PDE10A: variants seen among roughly 807,000 people sequenced by gnomAD.
PDE10A encodes cAMP and cAMP-inhibited cGMP 3',5'-cyclic phosphodiesterase 10A.
Under a neutral mutation model 97.7 loss-of-function variants are expected in PDE10A, and 39 were observed. The ratio of observed to expected loss-of-function variants is 0.40; its 90% CI spans 0.31 to 0.52. The LOEUF is 0.52. PDE10A is among the 20% of genes least tolerant of loss of function. PDE10A has a pLI of 0.56. For synonymous variants in PDE10A, 371 were observed against 376.8 expected (o/e 0.98, Z 0.18); for missense variants, 731 against 1,047.8 (o/e 0.70, Z 4.17).
At position 165,409,185 on chromosome 6, in the gene PDE10A, A is replaced by T. The variant is rs552735454; in HGVS notation, c.2076+4316T>A. Reference sequence around the variant, plus strand: ...ATCTCAAAAAAAAAAAAAAAAAAGAAAAAAGGTAATAAATTCCACAGAGAG... The same window carrying T: ...ATCTCAAAAAAAAAAAAAAAAAAGATAAAAGGTAATAAATTCCACAGAGAG... On this transcript the variant is annotated intron_variant, in intron 13 of 21. Transcript: ENST00000539869. Among the ~76,000 whole-genome samples the T allele has an allele frequency of 8.7e-3, 1,315 of 151,652 alleles. 18 individuals carry two copies. The highest frequency in any genetic ancestry group is 0.031 in the Middle Eastern group (9 of 294).
chr6:165,926,100 G>A (rs1261502829), intron 1 of PDE10A, among the ~76,000 whole-genome samples: 1 of 152,192 alleles, frequency 6.6e-6, no homozygotes, highest in Non-Finnish European at 1.5e-5. Flanking sequence ...ACTTGTTTCT[G>A]TCTCTGGGAC....
chr6:165,550,318 A>G (rs1390668297), intron 1 of PDE10A, among the ~76,000 whole-genome samples: 4 of 152,224 alleles, frequency 2.6e-5, no homozygotes, highest in African/African-American at 9.7e-5. Context: ...ATAATCTCTT[A>G]TTTATTGTAA....
intron 1 of PDE10A, among the ~76,000 whole-genome samples, chr6:165,974,066 T>C (rs989167039): frequency 6.6e-6 from 1 of 152,238 alleles, no homozygotes; most frequent in Non-Finnish European, 1.5e-5. Context: ...ATTACAAGTT[T>C]GAAATTGCCT....
chr6:165,962,662 G>A (rs1406093776), intron 1 of PDE10A, among the ~76,000 whole-genome samples: 1 of 152,208 alleles, frequency 6.6e-6, no homozygotes, highest in East Asian at 1.9e-4. Flanking sequence ...CAGGATTTAA[G>A]CTCCCAGACG....
chr6:165,425,770 C>CATATGTAT (rs112669910), intron 10 of PDE10A, among the ~76,000 whole-genome samples: 1 of 144,036 alleles, frequency 6.9e-6, no homozygotes, highest in African/African-American at 2.6e-5. Context: ...AAGGCATGAT[C>CATATGTAT]GTGTGTGTGT....
chr6:165,962,981 C>A (rs1168712345), intron 1 of PDE10A, among the ~76,000 whole-genome samples: 1 of 152,260 alleles, frequency 6.6e-6, no homozygotes, highest in Non-Finnish European at 1.5e-5. Context: ...CACACACCCA[C>A]ACGCGTGGTT....
chr6:165,530,816 A>T (rs778885046), intron 2 of PDE10A, among the ~76,000 whole-genome samples: 2 of 152,194 alleles, frequency 1.3e-5, no homozygotes, highest in Non-Finnish European at 2.9e-5. Context: ...TGTTTTGGAG[A>T]GGCATCAATC....
Position 165,329,569 on chromosome 6 carries a change from G to A in PDE10A, c.*3456C>T, listed in dbSNP as rs1781226970. The stretch of plus-strand genomic sequence containing the variant: ...AACCTAAACCTATTAAAAAACCCAG[G>A]TATCTAAGGATTTATGCATCTATTT... On this transcript the variant is annotated 3_prime_UTR_variant, in exon 22 of 22. Coordinates refer to ENST00000539869, the MANE Select transcript of PDE10A (RefSeq NM_001385079.1). 6.6e-6 allele frequency: 1 copy of A among 151,962 alleles called. No individual in the cohort carries two copies. Among genetic ancestry groups the A allele is most frequent in the Non-Finnish European group, 1.5e-5 (1 of 68,014 alleles). 9.4% of individuals were successfully genotyped at this position (151,962 alleles called of 1,614,324 possible).
chr6:165,719,298 G>A (rs553173496), intron 1 of PDE10A, among the ~76,000 whole-genome samples: 5 of 152,328 alleles, frequency 3.3e-5, no homozygotes, highest in East Asian at 3.9e-4. Context: ...CCCAAGGAAC[G>A]TTCCTGTGAA....
intron 1 of PDE10A, among the ~76,000 whole-genome samples, chr6:165,869,734 C>T (rs887699339): frequency 2.6e-5 from 4 of 151,878 alleles, no homozygotes; most frequent in Admixed American, 1.3e-4. Flanking sequence ...GCATGGTATT[C>T]GTATAAACAC....
intron 1 of PDE10A, among the ~76,000 whole-genome samples, chr6:165,797,105 CT>C (rs773435469): frequency 1.3e-5 from 2 of 152,146 alleles, no homozygotes; most frequent in Non-Finnish European, 2.9e-5. Flanking sequence ...GCAAGTGACC[CT>C]TGGTTTAGTG....
At chr6:165,511,261 A>G (rs891421192) in intron 2 of PDE10A, among the ~76,000 whole-genome samples, 5 of 151,816 alleles carry the variant, frequency 3.3e-5, no homozygotes, top group African/African-American at 1.2e-4. Flanking sequence ...TTTGATTTTC[A>G]TATTAATTTC....
At chr6:165,619,241 G>A (rs201600968) in intron 1 of PDE10A, among the ~76,000 whole-genome samples, 3,797 of 109,250 alleles carry the variant, frequency 0.035, 313 homozygotes, top group African/African-American at 0.14. Flanking sequence ...AGACTAGTGT[G>A]GTGTAGTGTA....
rs180943663 is a variant in PDE10A, at chr6:165,486,594, T to C, written c.995-4251A>G. Among the ~76,000 whole-genome samples, 2 of 152,326 alleles carry C rather than the reference T, an allele frequency of 1.3e-5. 1 individual carries two copies. Among genetic ancestry groups the C allele is most frequent in the Admixed American group, 1.3e-4 (2 of 15,304 alleles). ...AAAGTACGTGCCCTTAACTCACGTC[T>C]GTTCGCACAGCTCTGTGAGGAGATG... On this transcript the variant is annotated intron_variant, in intron 2 of 21. Transcript: ENST00000539869.
intron 10 of PDE10A, 88 bp downstream of exon 10, chr6:165,428,570 G>T: frequency 1.6e-6 from 1 of 643,084 alleles, no homozygotes; most frequent in Non-Finnish European, 2.8e-6. Context: ...AAGTGCCTGT[G>T]GATGAATAAG....
chr6:165,917,051 G>T (rs1027941687), intron 1 of PDE10A, among the ~76,000 whole-genome samples: 7 of 152,262 alleles, frequency 4.6e-5, no homozygotes, highest in African/African-American at 1.7e-4. Flanking sequence ...TATCTCAGCA[G>T]TTCAAAAATG....
chr6:165,399,119 G>GGATATAACAAC (rs1786422574), intron 13 of PDE10A, among the ~76,000 whole-genome samples: 1 of 152,102 alleles, frequency 6.6e-6, no homozygotes, highest in Non-Finnish European at 1.5e-5. Context: ...GTCATCACAA[G>GGATATAACAAC]GATATAACAA....
intron 1 of PDE10A, among the ~76,000 whole-genome samples, chr6:165,774,491 TA>T (rs1261114192): frequency 2.0e-5 from 3 of 147,986 alleles, no homozygotes; most frequent in Non-Finnish European, 4.5e-5. Context: ...AAAATATGTA[TA>T]GATATTTATT....
At chr6:165,412,231 T>G (rs1223715052) in intron 13 of PDE10A, among the ~76,000 whole-genome samples, 1 of 152,150 alleles carries the variant, frequency 6.6e-6, no homozygotes, top group African/African-American at 2.4e-5. Flanking sequence ...TATTCAACTT[T>G]TGTTGGATAA....
Sources: gnomAD v4.1 joint callset for allele counts (sites outside exome capture counted in the v4.1 genomes callset) on GRCh38, gnomAD v4.1.1 for gene constraint, MANE v1.5 for transcripts, NCBI Gene and HGNC (gene_info 2026-07-23, HGNC 2026-07-21) for gene names.